UST: variants seen among roughly 807,000 people sequenced by gnomAD.
UST encodes the protein uronyl 2-sulfotransferase.
Under a neutral mutation model 45.6 loss-of-function variants are expected in UST, and 21 were observed. That is an observed-to-expected ratio of 0.46 (90% CI 0.33 to 0.66). The LOEUF (loss-of-function observed/expected upper bound fraction) is 0.66. UST is among the 30% of genes least tolerant of loss of function. The pLI, the probability that UST is intolerant of heterozygous loss-of-function variation, is 0.02. For synonymous variants in UST, 215 were observed against 200.6 expected (o/e 1.07, Z -0.61); for missense variants, 463 against 512.4 (o/e 0.90, Z 0.93).
At chr6:149,062,811 A>G (rs989395091) in intron 7 of UST, among the ~76,000 whole-genome samples, 15 of 152,196 alleles carry the variant, frequency 9.9e-5, no homozygotes, top group South Asian at 4.1e-4. Flanking sequence ...GGCCCTTGGT[A>G]TCTGTAAGTA....
chr6:148,888,722 C>T (rs1226267902), intron 2 of UST, among the ~76,000 whole-genome samples: 1 of 152,194 alleles, frequency 6.6e-6, no homozygotes, highest in Non-Finnish European at 1.5e-5. Flanking sequence ...GTATTTATCA[C>T]AGTCGTGGAA....
chr6:149,002,272 G>A (rs1438644720), intron 5 of UST, among the ~76,000 whole-genome samples: 1 of 151,936 alleles, frequency 6.6e-6, no homozygotes, highest in Non-Finnish European at 1.5e-5. Context: ...AAAGAAAAAA[G>A]ATGCAGGAAA....
At chr6:148,857,899 C>T (rs1302398619) in intron 1 of UST, among the ~76,000 whole-genome samples, 1 of 151,782 alleles carries the variant, frequency 6.6e-6, no homozygotes, top group Non-Finnish European at 1.5e-5. Context: ...AGTGGTTTCT[C>T]CTGTCAGTGA....
intron 1 of UST, among the ~76,000 whole-genome samples, chr6:148,764,330 CA>C (rs764418575): frequency 2.6e-5 from 4 of 152,052 alleles, no homozygotes; most frequent in Non-Finnish European, 4.4e-5. Context: ...GATTTTTGTA[CA>C]TTGATTTTGT....
chr6:148,940,062 A>G (rs1243567034), intron 2 of UST, among the ~76,000 whole-genome samples: 1 of 152,244 alleles, frequency 6.6e-6, no homozygotes, highest in East Asian at 1.9e-4. Flanking sequence ...CATTTCTCCA[A>G]AGAAAATATA....
intron 2 of UST, among the ~76,000 whole-genome samples, chr6:148,907,971 C>CGG (rs1779398561): frequency 8.1e-6 from 1 of 123,260 alleles, no homozygotes; most frequent in Non-Finnish European, 1.6e-5. Context: ...TGCAGTGGCA[C>CGG]GATCTTGGCT....
At chr6:148,977,758 AAAAAAAAAAAAAAG>A (rs1161185446) in intron 5 of UST, among the ~76,000 whole-genome samples, 1 of 150,976 alleles carries the variant, frequency 6.6e-6, no homozygotes, top group Non-Finnish European at 1.5e-5. Flanking sequence ...TCTCAAAAAA[AAAAAAAAAAAAAAG>A]AAAAGAAAAT....
chr6:149,028,751 C>T (rs1234407948), intron 7 of UST, among the ~76,000 whole-genome samples: 1 of 152,182 alleles, frequency 6.6e-6, no homozygotes, highest in Non-Finnish European at 1.5e-5. Context: ...TATGCCTGAA[C>T]TCTTACCAGA....
At chr6:148,835,161 T>C (rs1777763059) in intron 1 of UST, among the ~76,000 whole-genome samples, 2 of 152,064 alleles carry the variant, frequency 1.3e-5, no homozygotes, top group African/African-American at 4.8e-5. Context: ...AATATAACAA[T>C]AAAAATAATA....
At chr6:149,008,721 T>C (rs1277424650) in intron 5 of UST, among the ~76,000 whole-genome samples, 1 of 152,226 alleles carries the variant, frequency 6.6e-6, no homozygotes, top group African/African-American at 2.4e-5. Context: ...TGGAGATGTC[T>C]ATATGGAAGA....
At chr6:148,917,982 A>G (rs1239473312) in intron 2 of UST, among the ~76,000 whole-genome samples, 2 of 152,178 alleles carry the variant, frequency 1.3e-5, no homozygotes, top group African/African-American at 4.8e-5. Flanking sequence ...CTCTCTGTGC[A>G]TTGATAACTG....
chr6:149,058,362 TGTGTG>T (rs1776600292), intron 7 of UST, among the ~76,000 whole-genome samples: 3 of 144,598 alleles, frequency 2.1e-5, no homozygotes, highest in Non-Finnish European at 3.0e-5. Flanking sequence ...TGTGTGTGTG[TGTGTG>T]TGTGTGTGTG....
At chr6:148,878,145 G>A (rs1453337309) in intron 1 of UST, among the ~76,000 whole-genome samples, 5 of 120,496 alleles carry the variant, frequency 4.1e-5, no homozygotes, top group Admixed American at 8.3e-5. Flanking sequence ...GTAAGAGTGC[G>A]GGGGTCGTGT....
At chr6:148,976,967 G>A (rs1295505762) in intron 5 of UST, among the ~76,000 whole-genome samples, 1 of 151,898 alleles carries the variant, frequency 6.6e-6, no homozygotes, top group Non-Finnish European at 1.5e-5. Context: ...ATTCTCCATG[G>A]TGTCTTCTAG....
At chr6:148,998,707 G>A (rs1460610793) in intron 5 of UST, among the ~76,000 whole-genome samples, 3 of 152,180 alleles carry the variant, frequency 2.0e-5, no homozygotes, top group Non-Finnish European at 4.4e-5. Context: ...TATTTTAAGA[G>A]TTTCATCAGC....
rs758991461 is a variant in UST at position 148,747,502 on chromosome 6, C to T, written c.72C>T (p.Ala24=). 4 of 1,524,606 alleles carry T rather than the reference C, an allele frequency of 2.6e-6. No individual in the cohort carries two copies. The South Asian group carries it at 3.7e-5, about 14-fold the overall frequency. 94.4% of individuals were successfully genotyped at this position (1,524,606 alleles called of 1,614,324 possible). A position where few individuals can be genotyped will look rare whatever the true frequency, so the allele number is the denominator to read the frequency against. ...PWPHGAPMGG[A]PPGLGSWKRR... ...CCCATGGGGCCCCTATGGGGGGCGC[C>T]CCTCCGGGCCTGGGCAGCTGGAAGC... The change falls in exon 1 of 8, where the codon GCC becomes GCT. Residue 24 remains alanine (A), a synonymous_variant. Coordinates refer to ENST00000367463, the MANE Select transcript of UST (RefSeq NM_005715.3).
chr6:149,000,102 C>T (rs1022224628), intron 5 of UST, among the ~76,000 whole-genome samples: 1 of 152,168 alleles, frequency 6.6e-6, no homozygotes, highest in African/African-American at 2.4e-5. Flanking sequence ...TCCTGGCCAA[C>T]AAGAGGGCCA....
At chr6:148,809,049 G>A (rs1777203214) in intron 1 of UST, among the ~76,000 whole-genome samples, 1 of 152,230 alleles carries the variant, frequency 6.6e-6, no homozygotes, top group Non-Finnish European at 1.5e-5. Flanking sequence ...GTCCCTCACT[G>A]GCAACTAATC....
At chr6:148,769,101 A>G (rs1259987370) in intron 1 of UST, among the ~76,000 whole-genome samples, 2 of 152,242 alleles carry the variant, frequency 1.3e-5, no homozygotes, top group African/African-American at 4.8e-5. Flanking sequence ...CTTGAGCAAA[A>G]AACACAACCC....
Sources: allele counts gnomAD v4.1 joint callset (sites outside exome capture counted in the v4.1 genomes callset), GRCh38; gene constraint gnomAD v4.1.1; transcripts MANE v1.5; gene names NCBI Gene and HGNC (gene_info 2026-07-23, HGNC 2026-07-21).